Variants in SUGCT observed in about 807,000 individuals in gnomAD.
SUGCT encodes the protein succinyl-CoA:glutarate CoA-transferase.
SUGCT carries 41 observed loss-of-function variants against 55.0 expected under a neutral mutation model. The ratio of observed to expected loss-of-function variants is 0.74; its 90% CI spans 0.58 to 0.97. SUGCT has a LOEUF of 0.97. Among genes scored for constraint, SUGCT ranks in the 50% least tolerant of loss-of-function variants. The pLI is 0.00. For synonymous variants in SUGCT, 187 were observed against 200.4 expected (o/e 0.93, Z 0.56); for missense variants, 568 against 547.8 (o/e 1.04, Z -0.37).
At chr7:40,492,491 G>A (rs925675994) in intron 11 of SUGCT, among the ~76,000 whole-genome samples, 1 of 152,078 alleles carries the variant, frequency 6.6e-6, no homozygotes, top group Admixed American at 6.6e-5. Flanking sequence ...ACCTCTCTGG[G>A]TTCCTTGTTG....
chr7:40,844,573 G>C (rs1793459143), intron 13 of SUGCT, among the ~76,000 whole-genome samples: 1 of 152,212 alleles, frequency 6.6e-6, no homozygotes, highest in Non-Finnish European at 1.5e-5. Context: ...TGCCAGTGGA[G>C]CTTGGGGTTT....
chr7:40,751,138 C>T (rs1475001575), intron 13 of SUGCT, among the ~76,000 whole-genome samples: 3 of 152,150 alleles, frequency 2.0e-5, no homozygotes, highest in Non-Finnish European at 4.4e-5. Flanking sequence ...GAGAGGCAGA[C>T]TTATAACATG....
intron 13 of SUGCT, among the ~76,000 whole-genome samples, chr7:40,855,743 A>G (rs1417317959): frequency 6.6e-6 from 1 of 152,152 alleles, no homozygotes; most frequent in African/African-American, 2.4e-5. Context: ...AGGTAGTTTC[A>G]CTGACAGTCT....
At chr7:40,542,918 G>A (rs999805758) in intron 12 of SUGCT, among the ~76,000 whole-genome samples, 2 of 152,140 alleles carry the variant, frequency 1.3e-5, no homozygotes, top group Non-Finnish European at 1.5e-5. Context: ...TTCTGAAAAG[G>A]AATGTCAGAC....
the SUGCT span, among the ~76,000 whole-genome samples, chr7:41,032,022 A>T: frequency 3.4e-5 from 5 of 147,578 alleles, no homozygotes; most frequent in African/African-American, 1.2e-4. Context: ...TGAATGAATG[A>T]ACCTAAAATT....
chr7:40,318,468 G>A (rs1175289482), intron 9 of SUGCT, among the ~76,000 whole-genome samples: 1 of 152,218 alleles, frequency 6.6e-6, no homozygotes, highest in East Asian at 1.9e-4. Flanking sequence ...ACAGAGTCTT[G>A]CTCTGTTGCC....
intron 12 of SUGCT, among the ~76,000 whole-genome samples, chr7:40,615,328 A>G (rs890956051): frequency 2.6e-5 from 4 of 152,210 alleles, no homozygotes; most frequent in Non-Finnish European, 4.4e-5. Context: ...TTTAACAAAA[A>G]TGTTTTCTGG....
intron 12 of SUGCT, among the ~76,000 whole-genome samples, chr7:40,553,582 A>G (rs1480380716): frequency 2.6e-5 from 4 of 152,162 alleles, no homozygotes; most frequent in African/African-American, 7.2e-5. Flanking sequence ...GTATTTATCT[A>G]TATCGATATA....
chr7:40,469,666 C>T (rs1172559873), intron 11 of SUGCT, among the ~76,000 whole-genome samples: 1 of 151,698 alleles, frequency 6.6e-6, no homozygotes, highest in African/African-American at 2.4e-5. Context: ...GACTGAGAAT[C>T]AAATGATGTC....
chr7:40,181,865 G>A (rs537340795), intron 2 of SUGCT, 90 bp from the exon 3 acceptor site: 2 of 779,158 alleles, frequency 2.6e-6, no homozygotes, highest in African/African-American at 3.5e-5. Flanking sequence ...GATTATATGA[G>A]CGTGTCTGTG....
intron 6 of SUGCT, among the ~76,000 whole-genome samples, chr7:40,234,745 C>T (rs1788912745): frequency 6.6e-6 from 1 of 151,834 alleles, no homozygotes; most frequent in African/African-American, 2.4e-5. Context: ...CCCATCCCTA[C>T]CCAAAATGCA....
intron 13 of SUGCT, among the ~76,000 whole-genome samples, chr7:40,794,440 A>T (rs1790455219): frequency 6.6e-6 from 1 of 152,056 alleles, no homozygotes; most frequent in South Asian, 2.1e-4. Flanking sequence ...GTTCCATGAG[A>T]TGTATTTTAT....
intron 12 of SUGCT, among the ~76,000 whole-genome samples, chr7:40,616,608 T>A (rs776016219): frequency 2.6e-5 from 4 of 152,192 alleles, no homozygotes; most frequent in Non-Finnish European, 5.9e-5. Flanking sequence ...CAAAGCAAAC[T>A]ATTTTGGGGA....
intron 6 of SUGCT, among the ~76,000 whole-genome samples, chr7:40,198,110 G>A (rs149910475): frequency 6.5e-4 from 99 of 152,288 alleles, no homozygotes; most frequent in East Asian, 1.5e-3. Context: ...GTGATAGGCA[G>A]ATATGTGTAG....
chr7:40,405,670 C>A, intron 9 of SUGCT, among the ~76,000 whole-genome samples: 1 of 151,894 alleles, frequency 6.6e-6, no homozygotes, highest in Non-Finnish European at 1.5e-5. Context: ...ATTAGCCAGG[C>A]GTGGTGGTAG....
At chr7:40,904,327 C>T in the SUGCT span, among the ~76,000 whole-genome samples, 1 of 152,182 alleles carries the variant, frequency 6.6e-6, no homozygotes, top group Non-Finnish European at 1.5e-5. Flanking sequence ...GGCAGGTCTC[C>T]ACCAGGCCAA....
chr7:40,849,734 G>A (rs764526413), intron 13 of SUGCT, among the ~76,000 whole-genome samples: 72 of 151,970 alleles, frequency 4.7e-4, no homozygotes, highest in African/African-American at 9.4e-4. Context: ...ACCGTGTTAC[G>A]GAGGGATCTC....
chr7:40,248,307 G>A lies in SUGCT; in HGVS notation c.576+10581G>A, dbSNP rs770155812. Among the ~76,000 whole-genome samples, 64 of 152,114 alleles carry A rather than the reference G, an allele frequency of 4.2e-4. 1 individual carries two copies. The highest frequency in any genetic ancestry group is 1.2e-3 in the East Asian group (6 of 5,176). The stretch of plus-strand genomic sequence containing the variant: ...ATTACAGGCATGAGCCACCACGCCC[G>A]GCCTATAGTTTTGATTCTTACTTTT... On this transcript the variant is annotated intron_variant, in intron 7 of 13. Coordinates refer to ENST00000335693, the MANE Select transcript of SUGCT (RefSeq NM_001193313.2).
intron 12 of SUGCT, among the ~76,000 whole-genome samples, chr7:40,527,455 G>A (rs1583901826): frequency 1.3e-5 from 2 of 152,162 alleles, no homozygotes; most frequent in East Asian, 1.9e-4. Context: ...CTTTTCCTGT[G>A]TCCCATTTTA....
Sources: gnomAD v4.1 joint callset for allele counts (sites outside exome capture counted in the v4.1 genomes callset) on GRCh38, gnomAD v4.1.1 for gene constraint, MANE v1.5 for transcripts, NCBI Gene and HGNC (gene_info 2026-07-23, HGNC 2026-07-21) for gene names.